The following ABLIM2 variants were observed in gnomAD, a reference collection of about 807,000 sequenced individuals.
The protein encoded by ABLIM2 is actin-binding LIM protein 2.
ABLIM2 carries 53 observed loss-of-function variants against 97.7 expected under a neutral mutation model. That is an observed-to-expected ratio of 0.54 (90% CI 0.44 to 0.68). The LOEUF is 0.68. ABLIM2 is among the 30% of genes least tolerant of loss of function. ABLIM2 has a pLI of 0.00. For missense variants in ABLIM2, 835 were observed against 867.2 expected, an observed-to-expected ratio of 0.96 and a Z score of 0.47; for synonymous variants, 361 against 345.8, an observed-to-expected ratio of 1.04 and a Z score of -0.49.
rs779247445 is a variant in ABLIM2, at chr4:7,998,696, T to C, written c.1619-5769A>G. ...ACATGGGAGGCTGGGAGTCTGCAGGTCTGGGCCACCTCCTGCCACTGCATG... is the reference window on the plus strand; with the variant it reads ...ACATGGGAGGCTGGGAGTCTGCAGGCCTGGGCCACCTCCTGCCACTGCATG... On this transcript the variant is annotated intron_variant, in intron 16 of 20. Coordinates refer to ENST00000447017, the MANE Select transcript of ABLIM2 (RefSeq NM_001130083.2). This position sits in a 1 kb window ranked among gnomAD's most constrained non-coding sequence, Gnocchi z 6.4. 1 of 504,604 alleles carries C rather than the reference T, an allele frequency of 2.0e-6. No homozygotes were observed. Among genetic ancestry groups the C allele is most frequent in the Non-Finnish European group, 3.9e-6 (1 of 253,762 alleles). 31.3% of individuals were successfully genotyped at this position (504,604 alleles called of 1,614,324 possible).
At chr4:8,139,470 A>G (rs1242365503) in intron 1 of ABLIM2, among the ~76,000 whole-genome samples, 1 of 152,228 alleles carries the variant, frequency 6.6e-6, no homozygotes. Context: ...ACAAAAGAAG[A>G]CATTTACACA....
At chr4:7,995,753 G>C (rs1187929419) in intron 16 of ABLIM2, among the ~76,000 whole-genome samples, 1 of 152,186 alleles carries the variant, frequency 6.6e-6, no homozygotes, top group African/African-American at 2.4e-5. Context: ...TGTGAACCCC[G>C]ATATGCAAAA....
At position 8,128,933 on chromosome 4, in the gene ABLIM2, C is replaced by A. The variant is rs1848939572; in HGVS notation, c.11-22296G>T. ...CACTCTGATCTTGGACTTCCAGCCT[C>A]CAGAACTGAGAAAAATAAATGTCTA... On this transcript the variant is annotated intron_variant, in intron 1 of 20. Coordinates refer to ENST00000447017, the MANE Select transcript of ABLIM2 (RefSeq NM_001130083.2). The surrounding 1 kb of genome is among the most constrained non-coding windows in gnomAD (Gnocchi z 4.9). Among the ~76,000 whole-genome samples the A allele has an allele frequency of 6.6e-6, 1 of 152,130 alleles. No homozygotes were observed. The highest frequency in any genetic ancestry group is 1.5e-5 in the Non-Finnish European group (1 of 68,018).
intron 9 of ABLIM2, among the ~76,000 whole-genome samples, chr4:8,038,495 C>G (rs1785991865): frequency 6.6e-6 from 1 of 152,190 alleles, no homozygotes; most frequent in Admixed American, 6.5e-5. Flanking sequence ...TCACCCTAAG[C>G]TGTCTCTTCC....
rs1436874209 is a variant in ABLIM2, at chr4:7,999,590, T to C, written c.1619-6663A>G. 6.6e-6 allele frequency among the ~76,000 whole-genome samples: 1 copy of C among 152,124 alleles called. No individual in the cohort carries two copies. The highest frequency in any genetic ancestry group is 1.5e-5 in the Non-Finnish European group (1 of 68,024). On this transcript the variant is annotated intron_variant, in intron 16 of 20. Coordinates refer to ENST00000447017, the MANE Select transcript of ABLIM2 (RefSeq NM_001130083.2). This position sits in a 1 kb window ranked among gnomAD's most constrained non-coding sequence, Gnocchi z 4.4. ...GCTCCCAAGCCAGTGTGCCCTGGTG[T>C]GGGTTTGCAGGCATGTGGGGTCTAA...
chr4:7,966,897 A>C lies in ABLIM2; in HGVS notation c.*93T>G. 3.8e-6 allele frequency: 1 copy of C among 263,318 alleles called. No homozygotes were observed. Among genetic ancestry groups the C allele is most frequent in the Non-Finnish European group, 7.0e-6 (1 of 142,330 alleles). The allele number at this position is 263,318 out of a possible 1,614,324, so 16.3% of individuals were successfully genotyped here. On this transcript the variant is annotated 3_prime_UTR_variant, in exon 21 of 21. Transcript: ENST00000447017. ...CCCACCCCATGGACACAGAGAAGCC[A>C]GAGCAAGGTGTGTGGGAGGGGTGTG...
rs987843192 is a variant in ABLIM2, at chr4:7,992,775, C to T, written c.1680+91G>A. 15 of 1,455,998 alleles carry T rather than the reference C, an allele frequency of 1.0e-5. No individual in the cohort carries two copies. In the Admixed American group the frequency reaches 2.1e-4, roughly 20 times the overall value. The allele number at this position is 1,455,998 out of a possible 1,614,324, so 90.2% of individuals were successfully genotyped here. A position where few individuals can be genotyped will look rare whatever the true frequency, so the allele number is the denominator to read the frequency against. ...GGCCGCGGGGTCCCCGGGGCCTCTC[C>T]TCCTGCTGTGTGGTCAAGAAGCTGT... On this transcript the variant is annotated intron_variant, in intron 17 of 20. Transcript: ENST00000447017. This position sits in a 1 kb window ranked among gnomAD's most constrained non-coding sequence, Gnocchi z 5.7.
At position 8,133,551 on chromosome 4, in the gene ABLIM2, C is replaced by T. The variant is rs185790205; in HGVS notation, c.10+25129G>A. ...CCAGCACACAGTGTCCTCTTTGGGG[C>T]GCACTAGGCCTCCCAGGTTGAGAGC... On this transcript the variant is annotated intron_variant, in intron 1 of 20. Transcript: ENST00000447017. 7.9e-4 allele frequency among the ~76,000 whole-genome samples: 121 copies of T among 152,272 alleles called. 1 individual carries two copies. Among genetic ancestry groups the T allele is most frequent in the African/African-American group, 2.4e-3 (101 of 41,568 alleles).
chr4:8,081,645 T>C (rs940599165), intron 4 of ABLIM2, among the ~76,000 whole-genome samples: 1 of 152,186 alleles, frequency 6.6e-6, no homozygotes, highest in African/African-American at 2.4e-5. Context: ...AGTATGTGGA[T>C]GTGTCTTATG....
chr4:7,985,182 A>G (rs7672196), intron 17 of ABLIM2, among the ~76,000 whole-genome samples: 148,075 of 152,308 alleles, frequency 0.97, 72,003 homozygotes, highest in East Asian at 1. Flanking sequence ...CTCCAACCCC[A>G]TTTGAAAGCT....
chr4:8,123,029 C>T lies in ABLIM2; in HGVS notation c.11-16392G>A, dbSNP rs1846182368. Among the ~76,000 whole-genome samples the T allele has an allele frequency of 6.6e-6, 1 of 152,192 alleles. No individual in the cohort carries two copies. On this transcript the variant is annotated intron_variant, in intron 1 of 20. Coordinates refer to ENST00000447017, the MANE Select transcript of ABLIM2 (RefSeq NM_001130083.2). This position sits in a 1 kb window ranked among gnomAD's most constrained non-coding sequence, Gnocchi z 6.2. ...GCGTTCCCACTCTGCAAGCCTCCTT[C>T]CTATCTGCTGCTGCTCTTCCTGGCA...
At position 8,019,782 on chromosome 4, in the gene ABLIM2, A is replaced by T; in HGVS notation, c.1370-111T>A. 9.1e-7 allele frequency: 1 copy of T among 1,094,396 alleles called. No homozygotes were observed. The highest frequency in any genetic ancestry group is 1.3e-6 in the Non-Finnish European group (1 of 744,322). The allele number at this position is 1,094,396 out of a possible 1,614,324, so 67.8% of individuals were successfully genotyped here. ...CAACAAGCACTCACCCAGATTTAGA[A>T]TCATCAGGCAGGAACTGGCACCCAG... On this transcript the variant is annotated intron_variant, in intron 13 of 20. Transcript: ENST00000447017. This position sits in a 1 kb window ranked among gnomAD's most constrained non-coding sequence, Gnocchi z 4.3.
intron 3 of ABLIM2, among the ~76,000 whole-genome samples, chr4:8,096,683 G>C (rs1246805291): frequency 2.0e-5 from 3 of 152,254 alleles, no homozygotes; most frequent in Non-Finnish European, 4.4e-5. Flanking sequence ...TCTAGAAACA[G>C]AACATTTCCT....
chr4:8,115,333 G>C (rs945756416), intron 1 of ABLIM2, among the ~76,000 whole-genome samples: 1 of 152,196 alleles, frequency 6.6e-6, no homozygotes, highest in South Asian at 2.1e-4. Context: ...GGAATCACTT[G>C]AGCCCATGAG....
chr4:8,059,304 T>C (rs1325497857), intron 7 of ABLIM2, among the ~76,000 whole-genome samples: 1 of 151,798 alleles, frequency 6.6e-6, no homozygotes, highest in African/African-American at 2.4e-5. Flanking sequence ...TTTGAGTTGA[T>C]TACTGGGGGA....
intron 5 of ABLIM2, among the ~76,000 whole-genome samples, chr4:8,077,964 C>T (rs890510522): frequency 6.6e-6 from 1 of 152,214 alleles, no homozygotes. Flanking sequence ...GGCCAGACCA[C>T]CTGCCCAGTG....
intron 1 of ABLIM2, among the ~76,000 whole-genome samples, chr4:8,154,800 A>G (rs955493588): frequency 3.9e-5 from 6 of 152,136 alleles, no homozygotes; most frequent in Non-Finnish European, 8.8e-5. Context: ...CATGCTGCCA[A>G]TAAAGACATA....
intron 7 of ABLIM2, among the ~76,000 whole-genome samples, chr4:8,055,100 G>T (rs1321771995): frequency 6.6e-6 from 1 of 151,790 alleles, no homozygotes; most frequent in Non-Finnish European, 1.5e-5. Flanking sequence ...TACCTTGTCA[G>T]GTCACTGGGT....
At chr4:8,100,987 C>A (rs1482570354) in intron 2 of ABLIM2, among the ~76,000 whole-genome samples, 1 of 152,154 alleles carries the variant, frequency 6.6e-6, no homozygotes, top group Non-Finnish European at 1.5e-5. Flanking sequence ...ATACGGCATG[C>A]CTTCACATTT....
Sources: gnomAD v4.1 joint callset for allele counts (sites outside exome capture counted in the v4.1 genomes callset) on GRCh38, gnomAD v4.1.1 for gene constraint, Gnocchi (gnomAD v3.1) non-coding constraint, MANE v1.5 for transcripts, NCBI Gene and HGNC (gene_info 2026-07-23, HGNC 2026-07-21) for gene names.